The following HOMER2 variants were observed in gnomAD, a reference collection of about 807,000 sequenced individuals.
HOMER2 encodes homer scaffold protein 2.
Under a neutral mutation model 47.0 loss-of-function variants are expected in HOMER2, and 27 were observed. That is an observed-to-expected ratio of 0.57 (90% CI 0.42 to 0.79). HOMER2 has a LOEUF of 0.79. HOMER2 is among the 30% of genes least tolerant of loss of function. The probability of loss-of-function intolerance (pLI) is 0.00; values close to 1 mark genes in which losing one functional copy is unlikely to be tolerated. For synonymous variants in HOMER2, 161 were observed against 163.8 expected (o/e 0.98, Z 0.13); for missense variants, 443 against 435.0 (o/e 1.02, Z -0.16).
intron 3 of HOMER2, among the ~76,000 whole-genome samples, chr15:82,873,223 C>G (rs566276229): frequency 6.6e-4 from 100 of 152,310 alleles, no homozygotes; most frequent in African/African-American, 2.1e-3. Flanking sequence ...TAGGCACCAG[C>G]CAGCTCCCTG....
chr15:82,945,772 C>T (rs191563399), intron 1 of HOMER2, among the ~76,000 whole-genome samples: 2 of 152,116 alleles, frequency 1.3e-5, no homozygotes, highest in South Asian at 2.1e-4. Context: ...AGATCGAGAC[C>T]ATCCTGGCTA....
intron 1 of HOMER2, among the ~76,000 whole-genome samples, chr15:82,919,304 C>T (rs1296003171): frequency 1.3e-5 from 2 of 152,188 alleles, no homozygotes; most frequent in African/African-American, 4.8e-5. Flanking sequence ...TGCCTTCAGG[C>T]CTTACTCAGG....
At chr15:82,840,675 A>G (rs184541687) in exon 2 of HOMER2, 78 of 152,186 alleles carry the variant, frequency 5.1e-4, no homozygotes, top group African/African-American at 1.7e-3. Context: ...GGCTCAAGCA[A>G]TCTTCCTGCC....
intron 1 of HOMER2, among the ~76,000 whole-genome samples, chr15:82,972,837 T>C (rs1217614828): frequency 6.6e-6 from 1 of 152,210 alleles, no homozygotes; most frequent in South Asian, 2.1e-4. Context: ...AAATGCTTTA[T>C]ATGGAGGTAA....
intron 2 of HOMER2, among the ~76,000 whole-genome samples, chr15:82,877,972 C>A (rs2052402562): frequency 6.6e-6 from 1 of 152,134 alleles, no homozygotes; most frequent in African/African-American, 2.4e-5. Flanking sequence ...CCAAGACAGA[C>A]CTAAGGAAGG....
intron 3 of HOMER2, among the ~76,000 whole-genome samples, chr15:82,869,976 T>C (rs2052124049): frequency 6.6e-6 from 1 of 152,196 alleles, no homozygotes; most frequent in Non-Finnish European, 1.5e-5. Context: ...ATTGCAAAGG[T>C]TTCCGAAATG....
At chr15:82,879,163 CTTCCT>C (rs1237572608) in intron 2 of HOMER2, among the ~76,000 whole-genome samples, 10 of 152,052 alleles carry the variant, frequency 6.6e-5, no homozygotes, top group South Asian at 2.1e-4. Flanking sequence ...GAGTATTCTC[CTTCCT>C]TTCATCTATT....
At chr15:82,851,057 TCA>T (rs1039759670) in intron 8 of HOMER2, 92 bp downstream of exon 8, 5 of 834,110 alleles carry the variant, frequency 6.0e-6, no homozygotes, top group African/African-American at 5.1e-5. Context: ...TTCAGCATTC[TCA>T]GTGTGAAAGT....
At chr15:82,881,394 A>G (rs2052517706) in intron 2 of HOMER2, among the ~76,000 whole-genome samples, 1 of 152,216 alleles carries the variant, frequency 6.6e-6, no homozygotes, top group Non-Finnish European at 1.5e-5. Context: ...ATCCAGGGAG[A>G]TGAAGTTGGA....
chr15:82,921,752 C>T (rs1488039701), intron 1 of HOMER2, among the ~76,000 whole-genome samples: 1 of 152,194 alleles, frequency 6.6e-6, no homozygotes, highest in Non-Finnish European at 1.5e-5. Flanking sequence ...TCAGCTACCC[C>T]AACTCCCTGT....
At chr15:82,952,773 C>G, upstream of HOMER2, 3 of 900,440 alleles carry the variant, frequency 3.3e-6, no homozygotes, top group Non-Finnish European at 4.0e-6. Flanking sequence ...CCCGCCCTCC[C>G]CAGCCGCTAC....
downstream of HOMER2, among the ~76,000 whole-genome samples, chr15:82,848,594 T>C (rs1361884714): frequency 6.6e-6 from 1 of 152,190 alleles, no homozygotes; most frequent in Admixed American, 6.5e-5. Flanking sequence ...CCAAGGCTTG[T>C]CAGCTGAGCT....
chr15:82,899,366 A>C (rs2053038710), intron 1 of HOMER2, among the ~76,000 whole-genome samples: 1 of 152,192 alleles, frequency 6.6e-6, no homozygotes, highest in African/African-American at 2.4e-5. Flanking sequence ...GACTGGAAGC[A>C]TGGGCTCATC....
At chr15:82,915,142 T>TG (rs1491268208) in intron 1 of HOMER2, among the ~76,000 whole-genome samples, 1 of 142,712 alleles carries the variant, frequency 7.0e-6, no homozygotes, top group Non-Finnish European at 1.5e-5. Context: ...TTTTTTTAAT[T>TG]GAAAAAAAAA....
intron 1 of HOMER2, among the ~76,000 whole-genome samples, chr15:82,980,076 G>A (rs539894936): frequency 1.3e-5 from 2 of 152,186 alleles, no homozygotes; most frequent in Admixed American, 1.3e-4. Context: ...GACAGAGATA[G>A]AGAAGTGTAT....
downstream of HOMER2, chr15:82,844,671 T>C: frequency 1.3e-5 from 2 of 152,292 alleles, no homozygotes; most frequent in Admixed American, 1.3e-4. Flanking sequence ...AAAAGTATTA[T>C]ATTATTTATG....
chr15:82,964,605 A>C (rs1018133825), intron 1 of HOMER2, among the ~76,000 whole-genome samples: 37 of 152,286 alleles, frequency 2.4e-4, no homozygotes, highest in African/African-American at 8.9e-4. Context: ...GTGTCTACTA[A>C]AAATATGAAA....
upstream of HOMER2, among the ~76,000 whole-genome samples, chr15:82,954,112 A>G (rs1276096014): frequency 1.3e-5 from 2 of 152,118 alleles, no homozygotes; most frequent in South Asian, 2.1e-4. Context: ...AAGTTTGTAA[A>G]AAATAAAATA....
chr15:82,954,025 C>A (rs1431004756), upstream of HOMER2, among the ~76,000 whole-genome samples: 2 of 151,810 alleles, frequency 1.3e-5, no homozygotes, highest in African/African-American at 4.8e-5. Flanking sequence ...TGCAGCGAGC[C>A]GAGATCATGC....
Sources: allele counts gnomAD v4.1 joint callset (sites outside exome capture counted in the v4.1 genomes callset), GRCh38; gene constraint gnomAD v4.1.1; transcripts MANE v1.5; gene names NCBI Gene and HGNC (gene_info 2026-07-23, HGNC 2026-07-21).